Variants in CHN2 observed in about 807,000 individuals in gnomAD.
The protein encoded by CHN2 is beta-chimaerin.
Under a neutral mutation model 56.3 loss-of-function variants are expected in CHN2, and 35 were observed. The ratio of observed to expected loss-of-function variants is 0.62; its 90% CI spans 0.47 to 0.82. The LOEUF is 0.82. Among genes scored for constraint, CHN2 ranks in the 40% least tolerant of loss-of-function variants. The pLI is 0.00. For missense variants in CHN2, 491 were observed against 580.5 expected (o/e 0.85, Z 1.58); for synonymous variants, 210 against 212.8 (o/e 0.99, Z 0.12).
chr7:29,211,067 T>TG (rs758793814), intron 1 of CHN2, among the ~76,000 whole-genome samples: 3,452 of 111,788 alleles, frequency 0.031, 68 homozygotes, highest in African/African-American at 0.056. Context: ...TTGTTTTTTT[T>TG]TTTGTTGTTG....
At chr7:29,351,683 G>A (rs151000537) in intron 1 of CHN2, among the ~76,000 whole-genome samples, 98 of 152,288 alleles carry the variant, frequency 6.4e-4, no homozygotes, top group African/African-American at 2.1e-3. Context: ...TCAAGGACTC[G>A]AAAGAGCTTG....
chr7:29,513,769 A>C lies in CHN2; in HGVS notation c.*1034A>C, dbSNP rs1791754365. The C allele has an allele frequency of 6.6e-6, 1 of 152,586 alleles. No individual in the cohort carries two copies. The highest frequency in any genetic ancestry group is 2.4e-5 in the African/African-American group (1 of 41,444). 9.5% of individuals were successfully genotyped at this position (152,586 alleles called of 1,614,324 possible). A position where few individuals can be genotyped will look rare whatever the true frequency, so the allele number is the denominator to read the frequency against. On this transcript the variant is annotated 3_prime_UTR_variant, in exon 13 of 13. Coordinates refer to ENST00000222792, the MANE Select transcript of CHN2 (RefSeq NM_004067.4). ...TTACAAACCTATTTTTTAAAGTGAG[A>C]ATAAGGTTGGTTTTTACCAAATATT...
chr7:29,203,031 G>A lies in CHN2; in HGVS notation c.49+8041G>A, dbSNP rs112796943. 6.5e-3 allele frequency among the ~76,000 whole-genome samples: 995 copies of A among 152,276 alleles called. 5 individuals carry two copies. The highest frequency in any genetic ancestry group is 0.022 in the African/African-American group (933 of 41,536). On this transcript the variant is annotated intron_variant, in intron 1 of 12. Coordinates refer to ENST00000222792, the MANE Select transcript of CHN2 (RefSeq NM_004067.4). ...GACAGCCACATGTGGTTACTGAGCC[G>A]TTGAAACATGGCTAGTCTGAATTGA...
intron 6 of CHN2, among the ~76,000 whole-genome samples, chr7:29,425,680 TATC>T (rs1376908617): frequency 6.6e-6 from 1 of 152,192 alleles, no homozygotes; most frequent in African/African-American, 2.4e-5. Context: ...TTCTACTTCT[TATC>T]ATATTGTAAG....
intron 1 of CHN2, among the ~76,000 whole-genome samples, chr7:29,243,194 TA>T (rs1267063581): frequency 6.6e-6 from 1 of 152,218 alleles, no homozygotes; most frequent in Non-Finnish European, 1.5e-5. Flanking sequence ...TCAATTTTTT[TA>T]ATGTTATGGG....
intron 7 of CHN2, among the ~76,000 whole-genome samples, chr7:29,495,662 A>G (rs73684717): frequency 0.014 from 2,112 of 152,296 alleles, 40 homozygotes; most frequent in African/African-American, 0.042. Context: ...GTTTGTCCAC[A>G]CAGTGCCTTG....
At chr7:29,506,974 A>G (rs965330680) in intron 10 of CHN2, among the ~76,000 whole-genome samples, 1 of 152,184 alleles carries the variant, frequency 6.6e-6, no homozygotes, top group Non-Finnish European at 1.5e-5. Flanking sequence ...GCAAATTACC[A>G]GGGGCTGGGA....
intron 6 of CHN2, among the ~76,000 whole-genome samples, chr7:29,463,772 G>T (rs1562627707): frequency 1.3e-5 from 2 of 152,200 alleles, no homozygotes; most frequent in Admixed American, 1.3e-4. Flanking sequence ...AGACATCATA[G>T]CAGCTCTGAG....
intron 6 of CHN2, among the ~76,000 whole-genome samples, chr7:29,454,950 T>C (rs1562620303): frequency 6.6e-6 from 1 of 151,958 alleles, no homozygotes; most frequent in South Asian, 2.1e-4. Flanking sequence ...AACAACCCCT[T>C]AAAATATGAT....
intron 7 of CHN2, among the ~76,000 whole-genome samples, chr7:29,487,790 A>G (rs1358213410): frequency 6.6e-6 from 1 of 151,850 alleles, no homozygotes; most frequent in Non-Finnish European, 1.5e-5. Flanking sequence ...GGCATCCAGT[A>G]GAGGCCAGGT....
intron 7 of CHN2, among the ~76,000 whole-genome samples, chr7:29,495,526 T>C (rs997479995): frequency 6.6e-6 from 1 of 152,222 alleles, no homozygotes; most frequent in Non-Finnish European, 1.5e-5. Flanking sequence ...TCATGTCTTA[T>C]TTATACCTGC....
At chr7:29,149,316 CG>C (rs1426703659) in intron 2 of CHN2, among the ~76,000 whole-genome samples, 4 of 151,514 alleles carry the variant, frequency 2.6e-5, no homozygotes, top group Admixed American at 2.0e-4. Flanking sequence ...TTCAGCCCCC[CG>C]AGTAAGCTGG....
At chr7:29,294,991 A>AC (rs1483180014) in intron 1 of CHN2, among the ~76,000 whole-genome samples, 1 of 151,924 alleles carries the variant, frequency 6.6e-6, no homozygotes, top group Admixed American at 6.6e-5. Flanking sequence ...GGTTCCCTGG[A>AC]CCCCCCACAG....
At chr7:29,192,057 G>A (rs1374699015), upstream of CHN2, 2 of 152,180 alleles carry the variant, frequency 1.3e-5, no homozygotes, top group Non-Finnish European at 2.9e-5. Context: ...TCAGATTTTA[G>A]TTCTGAACCT....
At chr7:29,508,413 T>C (rs1168845018) in intron 11 of CHN2, among the ~76,000 whole-genome samples, 1 of 88,342 alleles carries the variant, frequency 1.1e-5, no homozygotes, top group Non-Finnish European at 2.3e-5. Flanking sequence ...GTTGTTGTTT[T>C]TATTTAAAAA....
chr7:29,183,575 C>T (rs1046903301), intron 2 of CHN2, among the ~76,000 whole-genome samples: 1 of 151,838 alleles, frequency 6.6e-6, no homozygotes, highest in Non-Finnish European at 1.5e-5. Context: ...CAGGGTTTCA[C>T]CATGTTGGCC....
At chr7:29,366,041 A>G (rs1294044501) in intron 2 of CHN2, among the ~76,000 whole-genome samples, 1 of 152,198 alleles carries the variant, frequency 6.6e-6, no homozygotes, top group African/African-American at 2.4e-5. Flanking sequence ...GAGAAATAGG[A>G]TGAATAATGG....
In CHN2 at chr7:29,507,403, T is replaced by G. The variant is rs148217531; in HGVS notation, c.1129+38T>G. Reference sequence around the variant, plus strand: ...AATTAATTTTTTATTTCTACCAAATTTTTAAGTACAGTGCTTTTGACCTTC... The same window carrying G: ...AATTAATTTTTTATTTCTACCAAATGTTTAAGTACAGTGCTTTTGACCTTC... On this transcript the variant is annotated intron_variant, in intron 11 of 12. Coordinates refer to ENST00000222792, the MANE Select transcript of CHN2 (RefSeq NM_004067.4). The G allele has an allele frequency of 4.2e-4, 627 of 1,495,030 alleles. 5 individuals carry two copies. In the African/African-American group the frequency reaches 7.7e-3, roughly 18 times the overall value. 92.6% of individuals were successfully genotyped at this position (1,495,030 alleles called of 1,614,324 possible).
intron 6 of CHN2, among the ~76,000 whole-genome samples, chr7:29,468,102 G>C (rs1785691399): frequency 6.8e-6 from 1 of 147,674 alleles, no homozygotes; most frequent in African/African-American, 2.5e-5. Flanking sequence ...CAGCTCCAAT[G>C]GGCCGCCATG....
Sources: allele counts gnomAD v4.1 joint callset (sites outside exome capture counted in the v4.1 genomes callset), GRCh38; gene constraint gnomAD v4.1.1; transcripts MANE v1.5; gene names NCBI Gene and HGNC (gene_info 2026-07-23, HGNC 2026-07-21).